CCDC152: variants seen among roughly 807,000 people sequenced by gnomAD.
CCDC152 encodes the protein coiled-coil domain containing 152, also known as coiled-coil domain-containing protein 152.
Under a neutral mutation model 38.1 loss-of-function variants are expected in CCDC152, and 37 were observed. The ratio of observed to expected loss-of-function variants is 0.97; its 90% CI spans 0.75 to 1.28. CCDC152 has a LOEUF of 1.28. Ranked by LOEUF, CCDC152 falls within the 50% of genes most tolerant of loss-of-function variation. The pLI is 0.00. For synonymous variants in CCDC152, 83 were observed against 87.1 expected (o/e 0.95, Z 0.26); for missense variants, 259 against 292.1 (o/e 0.89, Z 0.83).
chr5:42,778,329 C>T (rs1411669879), intron 4 of CCDC152, among the ~76,000 whole-genome samples: 1 of 152,082 alleles, frequency 6.6e-6, no homozygotes, highest in Non-Finnish European at 1.5e-5. Flanking sequence ...CCTGTCTCCA[C>T]CCCCCAAGAG....
At chr5:42,789,155 T>G (rs1163561895) in intron 6 of CCDC152, among the ~76,000 whole-genome samples, 1 of 152,232 alleles carries the variant, frequency 6.6e-6, no homozygotes, top group Non-Finnish European at 1.5e-5. Flanking sequence ...GTCAGCAGAT[T>G]GTTGCAGGAG....
chr5:42,772,782 A>ACTAT (rs1759717791), intron 4 of CCDC152, among the ~76,000 whole-genome samples: 1 of 152,234 alleles, frequency 6.6e-6, no homozygotes, highest in South Asian at 2.1e-4. Flanking sequence ...ATAGATAAGA[A>ACTAT]CTATCTATAT....
chr5:42,778,000 A>C (rs1222361510), intron 4 of CCDC152, among the ~76,000 whole-genome samples: 1 of 152,222 alleles, frequency 6.6e-6, no homozygotes, highest in Non-Finnish European at 1.5e-5. Context: ...CCTTCCTAAA[A>C]GCATTATTCA....
At chr5:42,789,838 G>A (rs926897320) in intron 6 of CCDC152, among the ~76,000 whole-genome samples, 1 of 151,862 alleles carries the variant, frequency 6.6e-6, no homozygotes, top group African/African-American at 2.4e-5. Context: ...CTTAAAATGG[G>A]TAATAAGTTA....
At chr5:42,759,021 G>C in intron 1 of CCDC152, 99 bp from the exon 2 acceptor site, 1 of 832,572 alleles carries the variant, frequency 1.2e-6, no homozygotes, top group African/African-American at 1.7e-5. Context: ...TGCCCTATGA[G>C]TTGAATATAG....
rs1195614667 is a variant in CCDC152, at chr5:42,762,533, G to A, written c.178G>A (p.Val60Ile). The A allele has an allele frequency of 2.6e-6, 4 of 1,521,504 alleles. No individual in the cohort carries two copies. The highest frequency in any genetic ancestry group is 1.4e-5 in the African/African-American group (1 of 72,494). The allele number at this position is 1,521,504 out of a possible 1,614,324, so 94.3% of individuals were successfully genotyped here. The change falls in exon 3 of 9, where the codon GTC (valine) becomes ATC (isoleucine). Residue 60 changes from valine (V) to isoleucine (I), a missense_variant. Transcript: ENST00000361970. Reference protein sequence around the residue: ...CLLKVMQAKEVSIKEECATLH... With the variant: ...CLLKVMQAKEISIKEECATLH... The stretch of plus-strand genomic sequence containing the variant: ...ATTAAAAGTAATGCAAGCAAAGGAG[G>A]TCTCCATTAAAGAAGGTTAGTTATT...
At chr5:42,758,763 C>T (rs1759512313) in intron 1 of CCDC152, among the ~76,000 whole-genome samples, 1 of 152,078 alleles carries the variant, frequency 6.6e-6, no homozygotes, top group African/African-American at 2.4e-5. Context: ...AAGAAATAAG[C>T]ATAACAGCAG....
At chr5:42,778,584 A>G (rs958842346) in intron 4 of CCDC152, among the ~76,000 whole-genome samples, 1 of 152,204 alleles carries the variant, frequency 6.6e-6, no homozygotes, top group Non-Finnish European at 1.5e-5. Context: ...AAAAACCTAA[A>G]AAGAAAAGGC....
intron 6 of CCDC152, among the ~76,000 whole-genome samples, chr5:42,785,401 G>A (rs1294671854): frequency 6.6e-6 from 1 of 151,934 alleles, no homozygotes; most frequent in Non-Finnish European, 1.5e-5. Flanking sequence ...CTCAGCTTGA[G>A]TGTTGTTGGT....
chr5:42,800,690 A>T lies in CCDC152; in HGVS notation c.*909A>T, dbSNP rs1366268775. 2 of 1,552,788 alleles carry T rather than the reference A, an allele frequency of 1.3e-6. No individual in the cohort carries two copies. Among genetic ancestry groups the T allele is most frequent in the Non-Finnish European group, 1.7e-6 (2 of 1,149,464 alleles). On this transcript the variant is annotated 3_prime_UTR_variant, in exon 9 of 9. Transcript: ENST00000361970. Reference sequence around the variant, plus strand: ...CTGGAAATGAAATTGTGTCTAGACTAAATTGGGGAGTATGTCCTATTTTAA... The same window carrying T: ...CTGGAAATGAAATTGTGTCTAGACTTAATTGGGGAGTATGTCCTATTTTAA...
chr5:42,799,707 C>G lies in CCDC152; in HGVS notation c.691C>G (p.Arg231Gly). ...AAAAAACAAGGAGATTGCAATTCTT[C>G]GTAATACCATTCGCGATTTAGAGCA... The part of the protein sequence containing the change: ...EEKNKEIAIL[R>G]NTIRDLEQRL... The change falls in exon 9 of 9, where the codon CGT becomes GGT. Residue 231 changes from arginine (R) to glycine (G), a missense_variant. By Grantham distance (125) the Arg-to-Gly change is moderately radical. Coordinates refer to ENST00000361970, the MANE Select transcript of CCDC152 (RefSeq NM_001134848.2). 1 of 1,550,456 alleles carries G rather than the reference C, an allele frequency of 6.4e-7. No homozygotes were observed. Among genetic ancestry groups the G allele is most frequent in the South Asian group, 1.2e-5 (1 of 83,950 alleles).
In CCDC152 at chr5:42,796,889, A is replaced by G. The variant is rs1417900464; in HGVS notation, c.491A>G (p.Glu164Gly). Residue 164 changes from glutamate (E) to glycine (G), a missense_variant, in exon 7 of 9, where the codon GAG becomes GGG. Coordinates refer to ENST00000361970, the MANE Select transcript of CCDC152 (RefSeq NM_001134848.2). ...LIEKKEMEIS[E>G]LNAKLRSQEK... ...GAGAAAAAGGAGATGGAAATTTCAG[A>G]GTTAAATGCAAAGCTAAGAAGTCAA... The G allele has an allele frequency of 1.3e-6, 2 of 1,531,100 alleles. No individual in the cohort carries two copies. Among genetic ancestry groups the G allele is most frequent in the Admixed American group, 4.5e-5 (2 of 44,808 alleles). The allele number at this position is 1,531,100 out of a possible 1,614,324, so 94.8% of individuals were successfully genotyped here.
At chr5:42,796,766 T>C in intron 6 of CCDC152, 63 bp from the exon 7 acceptor site, 4 of 1,106,728 alleles carry the variant, frequency 3.6e-6, no homozygotes, top group Non-Finnish European at 4.9e-6. Flanking sequence ...ACTAAAGAAA[T>C]ACAAACTTAT....
chr5:42,798,972 T>C lies in CCDC152; in HGVS notation c.559-403T>C, dbSNP rs1212416341. On this transcript the variant is annotated intron_variant, in intron 7 of 8. Transcript: ENST00000361970. ...TTGACTGTTTATTACATTTTCTTTA[T>C]AATACACTCATTTTAACGTAAAAAT... Among the ~76,000 whole-genome samples, 3 of 152,214 alleles carry C rather than the reference T, an allele frequency of 2.0e-5. No homozygotes were observed. The East Asian group carries it at 5.8e-4, about 29-fold the overall frequency.
At position 42,783,547 on chromosome 5, in the gene CCDC152, G is replaced by A. The variant is rs547002545; in HGVS notation, c.401G>A (p.Ser134Asn). Residue 134 changes from serine to asparagine, a missense_variant, in exon 6 of 9, where the codon AGC becomes AAC. Transcript: ENST00000361970. ...IKEEGYKKEI[S>N]KLYQDMQRKV... ...GAGGAGGGATATAAGAAAGAAATAAGCAAACTTTATCAGGACATGCAGAGA... is the reference window on the plus strand; with the variant it reads ...GAGGAGGGATATAAGAAAGAAATAAACAAACTTTATCAGGACATGCAGAGA... 18 of 1,390,116 alleles carry A rather than the reference G, an allele frequency of 1.3e-5. No homozygotes were observed. In the Admixed American group the frequency reaches 4.2e-4, roughly 33 times the overall value. The allele number at this position is 1,390,116 out of a possible 1,614,324, so 86.1% of individuals were successfully genotyped here.
At chr5:42,782,362 T>G (rs1380313313) in intron 5 of CCDC152, among the ~76,000 whole-genome samples, 1 of 152,222 alleles carries the variant, frequency 6.6e-6, no homozygotes, top group East Asian at 1.9e-4. Context: ...TTAAATATTT[T>G]GAGCATCCTT....
At chr5:42,794,948 A>G (rs1276560672) in intron 6 of CCDC152, among the ~76,000 whole-genome samples, 3 of 152,220 alleles carry the variant, frequency 2.0e-5, no homozygotes, top group African/African-American at 7.2e-5. Flanking sequence ...AGAGGAGGAA[A>G]AAAGGGAAGT....
chr5:42,795,731 C>A (rs965362685), intron 6 of CCDC152, among the ~76,000 whole-genome samples: 3 of 152,074 alleles, frequency 2.0e-5, no homozygotes, highest in Non-Finnish European at 4.4e-5. Context: ...CCAGCCATCC[C>A]ATTACTGGGT....
At chr5:42,786,480 T>G (rs564578275) in intron 6 of CCDC152, among the ~76,000 whole-genome samples, 13 of 152,230 alleles carry the variant, frequency 8.5e-5, no homozygotes, top group African/African-American at 2.9e-4. Context: ...AATGTCAACT[T>G]TATCATTTCT....
Sources: allele counts gnomAD v4.1 joint callset (sites outside exome capture counted in the v4.1 genomes callset), GRCh38; gene constraint gnomAD v4.1.1; transcripts MANE v1.5; gene names NCBI Gene and HGNC (gene_info 2026-07-23, HGNC 2026-07-21).